Variants in ACSBG1 observed in about 807,000 individuals in gnomAD.
The protein encoded by ACSBG1 is long-chain-fatty-acid--CoA ligase ACSBG1.
A neutral mutation model predicts 80.2 loss-of-function variants in ACSBG1; 39 were observed. The ratio of observed to expected loss-of-function variants is 0.49; its 90% CI spans 0.38 to 0.64. ACSBG1 has a LOEUF of 0.64. ACSBG1 is among the 30% of genes least tolerant of loss of function. ACSBG1 has a pLI of 0.00. For synonymous variants in ACSBG1, 392 were observed against 379.5 expected (o/e 1.03, Z -0.38); for missense variants, 828 against 966.4 (o/e 0.86, Z 1.90).
intron 2 of ACSBG1, among the ~76,000 whole-genome samples, chr15:78,197,513 G>A (rs2075125334): frequency 6.6e-6 from 1 of 152,020 alleles, no homozygotes; most frequent in Non-Finnish European, 1.5e-5. Flanking sequence ...GAGGCCGGGA[G>A]TTAAAGACCA....
rs542053403 is a variant in ACSBG1, at chr15:78,168,118, A to G, written c.*3326T>C. ...TTGTATGGGAGGCTTTCTTTCCTAA[A>G]GAGGGAGGTTTAAGAGTTAATGATT... On this transcript the variant is annotated 3_prime_UTR_variant, in exon 14 of 14. Transcript: ENST00000258873. 2.0e-5 allele frequency: 3 copies of G among 152,136 alleles called. No individual in the cohort carries two copies. The highest frequency in any genetic ancestry group is 6.6e-5 in the Admixed American group (1 of 15,254). 9.4% of individuals were successfully genotyped at this position (152,136 alleles called of 1,614,324 possible). A position where few individuals can be genotyped will look rare whatever the true frequency, so the allele number is the denominator to read the frequency against.
intron 1 of ACSBG1, among the ~76,000 whole-genome samples, chr15:78,223,931 AG>A (rs2075379184): frequency 6.6e-6 from 1 of 152,184 alleles, no homozygotes; most frequent in Non-Finnish European, 1.5e-5. Context: ...CTACAAGACA[AG>A]GGTGGAATGC....
At chr15:78,204,761 C>T (rs1046326724) in intron 2 of ACSBG1, among the ~76,000 whole-genome samples, 4 of 152,222 alleles carry the variant, frequency 2.6e-5, no homozygotes, top group African/African-American at 9.6e-5. Flanking sequence ...TCCTGCTACC[C>T]GGCCTCAAAC....
intron 5 of ACSBG1, among the ~76,000 whole-genome samples, chr15:78,186,862 T>A (rs1292066260): frequency 6.6e-6 from 1 of 152,066 alleles, no homozygotes; most frequent in Non-Finnish European, 1.5e-5. Context: ...AAAAAACCCT[T>A]CAAAAAATTA....
At chr15:78,185,425 T>A (rs2074991686) in intron 5 of ACSBG1, among the ~76,000 whole-genome samples, 1 of 152,118 alleles carries the variant, frequency 6.6e-6, no homozygotes, top group African/African-American at 2.4e-5. Context: ...TAAATTAGCC[T>A]TAGAGTAAAG....
chr15:78,179,446 C>A (rs2141326081), intron 10 of ACSBG1, 104 bp downstream of exon 10: 2 of 1,093,234 alleles, frequency 1.8e-6, no homozygotes, highest in Middle Eastern at 2.6e-4. Context: ...TGGGACCCAA[C>A]TGGCATGCAA....
intron 5 of ACSBG1, among the ~76,000 whole-genome samples, chr15:78,184,281 C>T (rs1334690858): frequency 1.3e-5 from 2 of 152,138 alleles, no homozygotes; most frequent in African/African-American, 2.4e-5. Context: ...TCCCATGATC[C>T]TGCCTCAGCC....
intron 5 of ACSBG1, among the ~76,000 whole-genome samples, chr15:78,191,184 T>C (rs995622872): frequency 1.3e-5 from 2 of 152,228 alleles, no homozygotes; most frequent in African/African-American, 4.8e-5. Context: ...TTCTTAATGA[T>C]CAAGGGTTAA....
In ACSBG1 at chr15:78,182,013, G is replaced by A. The variant is rs2141330747; in HGVS notation, c.1027C>T (p.Gln343Ter). ...AQIYDLWTGI[Q>*]WGAQVCFAEP... ...GCAAAGCAAACCTGGGCCCCCCACT[G>A]GATGCCTGTCCACAGGTCGTAGATC... The change falls in exon 8 of 14, where the codon CAG becomes TAG. Residue 343 changes from glutamine (Q) to a stop codon, truncating the protein, a stop_gained. Transcript: ENST00000258873. LOFTEE classifies it high-confidence loss of function. 1 of 1,614,124 alleles carries A rather than the reference G, an allele frequency of 6.2e-7. No individual in the cohort carries two copies. Among genetic ancestry groups the A allele is most frequent in the Middle Eastern group, 1.6e-4 (1 of 6,062 alleles).
chr15:78,208,152 C>A lies in ACSBG1; in HGVS notation c.132-50G>T, dbSNP rs370400160. On this transcript the variant is annotated intron_variant, in intron 1 of 13. Transcript: ENST00000258873. ...AAACATTCATTAGAACGTGGGGGAC[C>A]GGCCTGGGCTTAGGGACTCCGGCCT... 4 of 1,475,676 alleles carry A rather than the reference C, an allele frequency of 2.7e-6. No homozygotes were observed. The South Asian group carries it at 3.5e-5, about 13-fold the overall frequency. 91.4% of individuals were successfully genotyped at this position (1,475,676 alleles called of 1,614,324 possible).
rs190883235 is a variant in ACSBG1 at position 78,193,512 on chromosome 15, G to A, written c.657C>T (p.Ile219=). 6.2e-7 allele frequency: 1 copy of A among 1,610,690 alleles called. No individual in the cohort carries two copies. Among genetic ancestry groups the A allele is most frequent in the East Asian group, 2.2e-5 (1 of 44,812 alleles). ...MVDTQKQLEK[I]LKIWKQLPHL... Reference sequence around the variant, plus strand: ...CACTGCCTCTTCCCCAAACCTTCAGGATCTTTTCCAGCTGCTTCTGCGTGT... The same window carrying A: ...CACTGCCTCTTCCCCAAACCTTCAGAATCTTTTCCAGCTGCTTCTGCGTGT... Residue 219 remains isoleucine, a synonymous_variant, in exon 5 of 14, where the codon ATC becomes ATT. Transcript: ENST00000258873.
At chr15:78,210,154 T>C (rs1405458448) in intron 1 of ACSBG1, among the ~76,000 whole-genome samples, 1 of 152,192 alleles carries the variant, frequency 6.6e-6, no homozygotes, top group African/African-American at 2.4e-5. Context: ...TCAAATTTCT[T>C]GTTGCTCAGA....
Position 78,194,275 on chromosome 15 carries a change from T to C in ACSBG1, c.453+231A>G, listed in dbSNP as rs374077828. Among the ~76,000 whole-genome samples, 8 of 152,318 alleles carry C rather than the reference T, an allele frequency of 5.3e-5. No homozygotes were observed. The East Asian group carries it at 1.4e-3, about 26-fold the overall frequency. The stretch of plus-strand genomic sequence containing the variant: ...GGCTTCCAGCCCACCCTGAATGTGA[T>C]CACAAATGAAAAGTGAGTAACAAGT... On this transcript the variant is annotated intron_variant, in intron 3 of 13. Transcript: ENST00000258873.
At chr15:78,210,003 G>C (rs1264969201) in intron 1 of ACSBG1, among the ~76,000 whole-genome samples, 27 of 152,244 alleles carry the variant, frequency 1.8e-4, no homozygotes, top group Admixed American at 1.8e-3. Flanking sequence ...TAAATGAAAA[G>C]ACAGCCACCA....
chr15:78,225,530 A>C (rs751972457), intron 1 of ACSBG1, among the ~76,000 whole-genome samples: 1 of 152,176 alleles, frequency 6.6e-6, no homozygotes, highest in Non-Finnish European at 1.5e-5. Flanking sequence ...AGATACCTAC[A>C]CTGAAAGGTA....
At chr15:78,228,495 G>C (rs1292279728) in intron 1 of ACSBG1, among the ~76,000 whole-genome samples, 47 of 152,180 alleles carry the variant, frequency 3.1e-4, no homozygotes, top group Non-Finnish European at 1.0e-4. Context: ...GTTAGCTTTG[G>C]GCCCAGATCC....
chr15:78,224,046 T>C (rs1448643275), intron 1 of ACSBG1, among the ~76,000 whole-genome samples: 1 of 152,154 alleles, frequency 6.6e-6, no homozygotes. Flanking sequence ...CCGAAACCAA[T>C]TTTGAACTTC....
At chr15:78,181,868 A>G (rs1286768685) in intron 8 of ACSBG1, 101 bp downstream of exon 8, 93 of 1,430,356 alleles carry the variant, frequency 6.5e-5, no homozygotes, top group Non-Finnish European at 8.8e-5. Flanking sequence ...TGATACATGC[A>G]CAGGAACAGC....
chr15:78,201,672 C>T (rs968361294), intron 2 of ACSBG1, among the ~76,000 whole-genome samples: 4 of 152,200 alleles, frequency 2.6e-5, no homozygotes, highest in Non-Finnish European at 4.4e-5. Context: ...TGTTCCCACC[C>T]GTGGGCTCTG....
Sources: gnomAD v4.1 joint callset for allele counts (sites outside exome capture counted in the v4.1 genomes callset) on GRCh38, gnomAD v4.1.1 for gene constraint, MANE v1.5 for transcripts, NCBI Gene and HGNC (gene_info 2026-07-23, HGNC 2026-07-21) for gene names.